Variants in WDR49 observed in about 807,000 individuals in gnomAD.
WDR49 encodes WD repeat domain 49, also known as cilia- and flagella-associated protein 337.
WDR49 carries 107 observed loss-of-function variants against 119.5 expected under a neutral mutation model. That is an observed-to-expected ratio of 0.90 (90% CI 0.77 to 1.05). The LOEUF (loss-of-function observed/expected upper bound fraction) is 1.05, where lower values mean the gene tolerates loss of function less well. WDR49 is among the 50% of genes least tolerant of loss of function. The pLI, the probability that WDR49 is intolerant of heterozygous loss-of-function variation, is 0.00. For synonymous variants in WDR49, 425 were observed against 418.8 expected (o/e 1.01, Z -0.18); for missense variants, 1,240 against 1,220.5 (o/e 1.02, Z -0.24).
At chr3:167,507,882 T>A (rs1210859056) in intron 16 of WDR49, among the ~76,000 whole-genome samples, 1 of 152,174 alleles carries the variant, frequency 6.6e-6, no homozygotes, top group African/African-American at 2.4e-5. Flanking sequence ...ACTCTGAAAA[T>A]GCACAGGGAA....
chr3:167,521,627 C>T (rs997257823), intron 16 of WDR49, among the ~76,000 whole-genome samples: 7 of 152,032 alleles, frequency 4.6e-5, no homozygotes, highest in African/African-American at 4.8e-5. Context: ...AAATCAAAAG[C>T]GCCAAAATAT....
chr3:167,628,133 C>G (rs1389359711), intron 2 of WDR49, among the ~76,000 whole-genome samples: 3 of 152,002 alleles, frequency 2.0e-5, no homozygotes, highest in African/African-American at 7.2e-5. Context: ...ATTGCTGCAC[C>G]AATCAGTCAT....
intron 2 of WDR49, among the ~76,000 whole-genome samples, chr3:167,649,022 A>G (rs1432298832): frequency 6.6e-6 from 1 of 152,202 alleles, no homozygotes; most frequent in Non-Finnish European, 1.5e-5. Flanking sequence ...TTTTAAATGA[A>G]CTTTATGGAC....
intron 2 of WDR49, among the ~76,000 whole-genome samples, chr3:167,639,132 G>T (rs1717757067): frequency 6.6e-6 from 1 of 151,696 alleles, no homozygotes; most frequent in African/African-American, 2.4e-5. Flanking sequence ...CCTGACCAGT[G>T]AAATAGTGCA....
chr3:167,543,050 G>A (rs1711940198), intron 10 of WDR49, among the ~76,000 whole-genome samples: 1 of 151,946 alleles, frequency 6.6e-6, no homozygotes, highest in Admixed American at 6.6e-5. Flanking sequence ...CAGAGGATTT[G>A]GATGCATTTC....
chr3:167,560,920 G>C (rs1249063508), intron 8 of WDR49, among the ~76,000 whole-genome samples: 1 of 152,134 alleles, frequency 6.6e-6, no homozygotes, highest in Non-Finnish European at 1.5e-5. Flanking sequence ...GTGGCAAGTG[G>C]ACTGCTAATT....
intron 2 of WDR49, among the ~76,000 whole-genome samples, chr3:167,644,233 C>A (rs192518364): frequency 8.0e-4 from 122 of 152,082 alleles, no homozygotes; most frequent in Middle Eastern, 3.4e-3. Context: ...TTAATTTCAG[C>A]ATTACTAGAC....
chr3:167,529,675 T>C (rs1195727609), intron 13 of WDR49, among the ~76,000 whole-genome samples: 2 of 152,158 alleles, frequency 1.3e-5, no homozygotes, highest in African/African-American at 2.4e-5. Flanking sequence ...GGATGGAATA[T>C]GTAGTGATAG....
At chr3:167,639,818 C>A (rs1037552066) in intron 2 of WDR49, among the ~76,000 whole-genome samples, 4 of 151,696 alleles carry the variant, frequency 2.6e-5, no homozygotes, top group Non-Finnish European at 5.9e-5. Flanking sequence ...ATCCTTTCAT[C>A]CCAGATATCT....
intron 18 of WDR49, among the ~76,000 whole-genome samples, chr3:167,485,414 A>G (rs2108191751): frequency 6.6e-6 from 1 of 152,218 alleles, no homozygotes; most frequent in South Asian, 2.1e-4. Context: ...AAATGTATGT[A>G]TACTTGAATA....
chr3:167,506,238 T>C (rs1217720474), intron 16 of WDR49, among the ~76,000 whole-genome samples: 1 of 152,160 alleles, frequency 6.6e-6, no homozygotes, highest in African/African-American at 2.4e-5. Flanking sequence ...ATATCTTCTA[T>C]GGATTTTGTA....
intron 5 of WDR49, among the ~76,000 whole-genome samples, chr3:167,617,480 C>T (rs1287794664): frequency 1.3e-5 from 2 of 152,146 alleles, no homozygotes; most frequent in Non-Finnish European, 2.9e-5. Context: ...GAGCCAAGAT[C>T]GCACCACTGC....
At chr3:167,631,361 G>A (rs966853503) in intron 2 of WDR49, among the ~76,000 whole-genome samples, 1 of 152,178 alleles carries the variant, frequency 6.6e-6, no homozygotes, top group South Asian at 2.1e-4. Context: ...TACAATATGA[G>A]AGCTGAAACA....
intron 11 of WDR49, among the ~76,000 whole-genome samples, chr3:167,535,307 T>C (rs1174439752): frequency 1.3e-5 from 2 of 152,032 alleles, no homozygotes; most frequent in Non-Finnish European, 2.9e-5. Flanking sequence ...AGAGACAACC[T>C]ACAAAATGGG....
chr3:167,657,642 G>A (rs569844583), upstream of WDR49, among the ~76,000 whole-genome samples: 25 of 149,872 alleles, frequency 1.7e-4, no homozygotes, highest in African/African-American at 4.4e-4. Context: ...GTTCTTACTC[G>A]TTAATCTTTG....
intron 8 of WDR49, among the ~76,000 whole-genome samples, chr3:167,571,156 G>A (rs1713916361): frequency 6.6e-6 from 1 of 152,090 alleles, no homozygotes; most frequent in African/African-American, 2.4e-5. Context: ...GCAGTTTGTA[G>A]ATAGTATAAT....
chr3:167,527,044 T>C (rs1560269083), intron 15 of WDR49, among the ~76,000 whole-genome samples: 1 of 152,134 alleles, frequency 6.6e-6, no homozygotes, highest in African/African-American at 2.4e-5. Flanking sequence ...AATATGAGAC[T>C]AAATATTTCC....
chr3:167,558,349 A>T (rs1253152543), intron 9 of WDR49, among the ~76,000 whole-genome samples: 7 of 152,228 alleles, frequency 4.6e-5, no homozygotes, highest in South Asian at 2.1e-4. Flanking sequence ...GTCTTTGATT[A>T]TGTAGGTACT....
At chr3:167,588,312 T>C (rs1294969031) in intron 7 of WDR49, among the ~76,000 whole-genome samples, 1 of 152,204 alleles carries the variant, frequency 6.6e-6, no homozygotes, top group Non-Finnish European at 1.5e-5. Context: ...AGTAGTACTC[T>C]ACTGTTTGTA....
Sources: gnomAD v4.1 joint callset for allele counts (sites outside exome capture counted in the v4.1 genomes callset) on GRCh38, gnomAD v4.1.1 for gene constraint, MANE v1.5 for transcripts, NCBI Gene and HGNC (gene_info 2026-07-23, HGNC 2026-07-21) for gene names.